SLC12A2: variants seen among roughly 807,000 people sequenced by gnomAD.
The protein encoded by SLC12A2 is Na-K-2Cl cotransporter 1.
Under a neutral mutation model 136.3 loss-of-function variants are expected in SLC12A2, and 67 were observed. That is an observed-to-expected ratio of 0.49 (90% confidence interval 0.40 to 0.60). The LOEUF (loss-of-function observed/expected upper bound fraction) is 0.60. Among genes scored for constraint, SLC12A2 ranks in the 20% least tolerant of loss-of-function variants. The pLI is 0.00. For missense variants in SLC12A2, 1,322 were observed against 1,534.7 expected, an observed-to-expected ratio of 0.86 and a Z score of 2.32; for synonymous variants, 619 against 562.9, an observed-to-expected ratio of 1.10 and a Z score of -1.41.
chr5:128,100,639 T>C (rs1760710166), intron 1 of SLC12A2, among the ~76,000 whole-genome samples: 1 of 152,100 alleles, frequency 6.6e-6, no homozygotes. Context: ...TATACTAAAA[T>C]GTAGTTTTTA....
chr5:128,084,563 C>A lies in SLC12A2; in HGVS notation c.609C>A (p.Thr203=), dbSNP rs375075706. The change falls in exon 1 of 27, where the codon ACC becomes ACA. Residue 203 remains threonine (T), a synonymous_variant. Coordinates refer to ENST00000262461, the MANE Select transcript of SLC12A2 (RefSeq NM_001046.3). The surrounding 1 kb of genome is among the most constrained non-coding windows in gnomAD (Gnocchi z 5.6). The part of the protein sequence containing the change: ...SGHHQHYYYD[T]HTNTYYLRTF... ...ACCACCAGCACTACTATTATGATAC[C>A]CACACCAACACCTACTACCTGCGCA... is the stretch of plus-strand genomic sequence containing the variant. The A allele has an allele frequency of 3.5e-5, 56 of 1,613,598 alleles. No homozygotes were observed. The highest frequency in any genetic ancestry group is 4.7e-5 in the Non-Finnish European group (55 of 1,180,008).
In SLC12A2 at chr5:128,171,721, G is replaced by T; in HGVS notation, c.2778G>T (p.Leu926=). Residue 926 remains leucine, a synonymous_variant, in exon 19 of 27, where the codon CTG becomes CTT. Transcript: ENST00000262461. ...GVVVIRLKEG[L]DISHLQGQEE... ...TGGTTATTCGCCTAAAAGAAGGTCTGGATATATCTCATCTTCAAGGACAAG... is the reference window on the plus strand; with the variant it reads ...TGGTTATTCGCCTAAAAGAAGGTCTTGATATATCTCATCTTCAAGGACAAG... The T allele has an allele frequency of 1.3e-6, 2 of 1,583,084 alleles. No individual in the cohort carries two copies. Among genetic ancestry groups the T allele is most frequent in the East Asian group, 2.3e-5 (1 of 44,022 alleles).
chr5:128,148,129 C>T (rs1011972399), intron 11 of SLC12A2, among the ~76,000 whole-genome samples: 1 of 151,570 alleles, frequency 6.6e-6, no homozygotes, highest in African/African-American at 2.4e-5. Flanking sequence ...ATTTAAACAC[C>T]TAACGTGATA....
chr5:128,095,947 C>T (rs1039016260), intron 1 of SLC12A2, among the ~76,000 whole-genome samples: 4 of 152,034 alleles, frequency 2.6e-5, no homozygotes, highest in Non-Finnish European at 4.4e-5. Context: ...TTTTGAAATA[C>T]CCTGATATTG....
At chr5:128,098,896 G>A (rs1760642212) in intron 1 of SLC12A2, among the ~76,000 whole-genome samples, 1 of 152,134 alleles carries the variant, frequency 6.6e-6, no homozygotes, top group Admixed American at 6.6e-5. Context: ...CAATTCCTCT[G>A]TTGACTTTGG....
At chr5:128,157,955 C>T (rs1041969163) in intron 15 of SLC12A2, 98 bp from the exon 16 acceptor site, 23 of 883,536 alleles carry the variant, frequency 2.6e-5, no homozygotes, top group Non-Finnish European at 3.7e-5. Context: ...GTCTTAAGGA[C>T]AGTTGTATAC....
Position 128,084,875 on chromosome 5 carries a change from A to T in SLC12A2, c.756+165A>T, listed in dbSNP as rs920765775. On this transcript the variant is annotated intron_variant, in intron 1 of 26. Transcript: ENST00000262461. The surrounding 1 kb of genome is among the most constrained non-coding windows in gnomAD (Gnocchi z 5.6). ...AAGGGTGGAATTGCCGAGGAATGTT[A>T]ACTTAATCTCTCAAAAGTTTGTAGC... Among the ~76,000 whole-genome samples the T allele has an allele frequency of 2.0e-5, 3 of 151,528 alleles. No individual in the cohort carries two copies. Among genetic ancestry groups the T allele is most frequent in the African/African-American group, 7.3e-5 (3 of 41,160 alleles).
At chr5:128,087,741 G>A (rs1760152687) in intron 1 of SLC12A2, among the ~76,000 whole-genome samples, 1 of 152,180 alleles carries the variant, frequency 6.6e-6, no homozygotes, top group African/African-American at 2.4e-5. Context: ...AAGAATGGAA[G>A]CAAAGAGACT....
intron 1 of SLC12A2, chr5:128,109,681 C>T (rs1962291): frequency 0.22 from 231,180 of 1,060,358 alleles, 31,182 homozygotes; most frequent in African/African-American, 0.51. Flanking sequence ...CTTCTCCAGG[C>T]GAAAAAGTCT....
At chr5:128,120,608 GA>G (rs1761525231) in intron 4 of SLC12A2, among the ~76,000 whole-genome samples, 1 of 135,436 alleles carries the variant, frequency 7.4e-6, no homozygotes, top group African/African-American at 2.9e-5. Context: ...CTATCGCAAG[GA>G]CAAAAAACCA....
chr5:128,154,720 G>T (rs1762818850), intron 15 of SLC12A2, among the ~76,000 whole-genome samples: 1 of 152,102 alleles, frequency 6.6e-6, no homozygotes, highest in Non-Finnish European at 1.5e-5. Context: ...ACACCTTTTT[G>T]TTGTTGTTCA....
chr5:128,089,020 T>C (rs1456291668), intron 1 of SLC12A2, among the ~76,000 whole-genome samples: 1 of 151,816 alleles, frequency 6.6e-6, no homozygotes, highest in Admixed American at 6.6e-5. Flanking sequence ...AATACAAAAT[T>C]AGCCAGGCGT....
At chr5:128,125,289 G>T (rs78797627) in intron 4 of SLC12A2, among the ~76,000 whole-genome samples, 1 of 152,168 alleles carries the variant, frequency 6.6e-6, no homozygotes. Context: ...GCCTTACTGC[G>T]TGTGAAATGA....
chr5:128,173,495 A>G (rs904628992), intron 19 of SLC12A2, among the ~76,000 whole-genome samples: 6 of 152,200 alleles, frequency 3.9e-5, no homozygotes, highest in African/African-American at 1.4e-4. Context: ...TGAATGCCTT[A>G]TTATTCATCA....
At chr5:128,089,906 C>T (rs891814661) in intron 1 of SLC12A2, among the ~76,000 whole-genome samples, 2 of 152,152 alleles carry the variant, frequency 1.3e-5, no homozygotes, top group East Asian at 3.8e-4. Flanking sequence ...TTGAAAGTCA[C>T]CCTGGGGGAA....
intron 1 of SLC12A2, chr5:128,109,690 C>T (rs1315843708): frequency 1.7e-6 from 2 of 1,145,142 alleles, no homozygotes; most frequent in Non-Finnish European, 2.6e-6. Context: ...GCGAAAAAGT[C>T]TTCCAGGTGA....
At chr5:128,186,379 A>G (rs1763868338) in intron 26 of SLC12A2, 117 bp from the exon 27 acceptor site, 3 of 1,012,132 alleles carry the variant, frequency 3.0e-6, no homozygotes, top group South Asian at 1.8e-5. Flanking sequence ...ATATTCTGTA[A>G]TTATAGTAAT....
chr5:128,129,128 C>T lies in SLC12A2; in HGVS notation c.1049-1939C>T, dbSNP rs1761921644. 2.6e-5 allele frequency among the ~76,000 whole-genome samples: 4 copies of T among 152,018 alleles called. No individual in the cohort carries two copies. The South Asian group carries it at 8.3e-4, about 31-fold the overall frequency. On this transcript the variant is annotated intron_variant, in intron 4 of 26. Coordinates refer to ENST00000262461, the MANE Select transcript of SLC12A2 (RefSeq NM_001046.3). ...CTGATTCTAAAGTTTGTATTGTCAACTACTAAAGACAAGAGTGTTGACTAA... is the reference window on the plus strand; with the variant it reads ...CTGATTCTAAAGTTTGTATTGTCAATTACTAAAGACAAGAGTGTTGACTAA...
At chr5:128,125,671 G>A (rs1398247990) in intron 4 of SLC12A2, among the ~76,000 whole-genome samples, 1 of 151,826 alleles carries the variant, frequency 6.6e-6, no homozygotes, top group Non-Finnish European at 1.5e-5. Flanking sequence ...GATGAAGTCC[G>A]GTTTCTCTTT....
Sources: gnomAD v4.1 joint callset for allele counts (sites outside exome capture counted in the v4.1 genomes callset) on GRCh38, gnomAD v4.1.1 for gene constraint, Gnocchi (gnomAD v3.1) non-coding constraint, MANE v1.5 for transcripts, NCBI Gene and HGNC (gene_info 2026-07-23, HGNC 2026-07-21) for gene names.